The following LYPLAL1 variants were observed in gnomAD, a reference collection of about 807,000 sequenced individuals.
LYPLAL1 encodes the protein lysophospholipase like 1, also known as lysophospholipase-like protein 1.
LYPLAL1 carries 23 observed loss-of-function variants against 19.7 expected under a neutral mutation model. That is an observed-to-expected ratio of 1.17 (90% CI 0.84 to 1.65). The LOEUF (loss-of-function observed/expected upper bound fraction) is 1.65. Ranked by LOEUF, LYPLAL1 falls within the 40% of genes most tolerant of loss-of-function variation. LYPLAL1 has a pLI of 0.00. For synonymous variants in LYPLAL1, 119 were observed against 96.3 expected (o/e 1.24, Z -1.38); for missense variants, 355 against 279.4 (o/e 1.27, Z -1.93).
At chr1:219,358,890 G>A in the LYPLAL1 span, among the ~76,000 whole-genome samples, 2 of 152,062 alleles carry the variant, frequency 1.3e-5, no homozygotes, top group African/African-American at 4.8e-5. Context: ...CCCCAGTTGA[G>A]ACAGAGGTTA....
the LYPLAL1 span, among the ~76,000 whole-genome samples, chr1:219,224,760 T>G: frequency 6.6e-6 from 1 of 152,184 alleles, no homozygotes. Context: ...AATGCATTGG[T>G]CTCTCCCTCT....
the LYPLAL1 span, among the ~76,000 whole-genome samples, chr1:219,274,348 T>C: frequency 6.6e-6 from 1 of 152,188 alleles, no homozygotes; most frequent in African/African-American, 2.4e-5. Flanking sequence ...CTTCCCTCTA[T>C]CTTTTAACTG....
the LYPLAL1 span, among the ~76,000 whole-genome samples, chr1:219,392,581 G>A: frequency 6.6e-6 from 1 of 152,112 alleles, no homozygotes; most frequent in Non-Finnish European, 1.5e-5. Flanking sequence ...CAGCAATACA[G>A]TTAAGAAACA....
the LYPLAL1 span, among the ~76,000 whole-genome samples, chr1:219,328,592 A>G: frequency 6.6e-6 from 1 of 152,206 alleles, no homozygotes; most frequent in Non-Finnish European, 1.5e-5. Flanking sequence ...GATACTTGAT[A>G]TAGAAATAAA....
chr1:219,368,910 C>T, the LYPLAL1 span, among the ~76,000 whole-genome samples: 2 of 152,346 alleles, frequency 1.3e-5, no homozygotes, highest in East Asian at 3.9e-4. Context: ...CTATCACAAA[C>T]CTGGCACTAC....
chr1:219,423,146 A>G, the LYPLAL1 span, among the ~76,000 whole-genome samples: 126,706 of 152,040 alleles, frequency 0.83, 53,381 homozygotes, highest in African/African-American at 0.94. Flanking sequence ...CTCTCTTCAC[A>G]CCTTACTTCT....
At chr1:219,437,826 G>T in the LYPLAL1 span, among the ~76,000 whole-genome samples, 1 of 151,208 alleles carries the variant, frequency 6.6e-6, no homozygotes, top group African/African-American at 2.4e-5. Flanking sequence ...GAGTGCAGTG[G>T]TGTGATCTCA....
At chr1:219,299,212 G>T in the LYPLAL1 span, among the ~76,000 whole-genome samples, 1 of 143,018 alleles carries the variant, frequency 7.0e-6, no homozygotes, top group African/African-American at 2.6e-5. Flanking sequence ...GCATTACTCA[G>T]TGCACTCTAG....
chr1:219,359,525 C>T, the LYPLAL1 span, among the ~76,000 whole-genome samples: 1 of 152,126 alleles, frequency 6.6e-6, no homozygotes, highest in Admixed American at 6.6e-5. Flanking sequence ...ACAAAGCTTT[C>T]CTTTCTTCTT....
the LYPLAL1 span, among the ~76,000 whole-genome samples, chr1:219,284,004 G>C: frequency 6.6e-6 from 1 of 152,154 alleles, no homozygotes; most frequent in Non-Finnish European, 1.5e-5. Context: ...TGGAGGGAGG[G>C]AAGTGATTGA....
At position 219,211,527 on chromosome 1, in the gene LYPLAL1, A is replaced by T; in HGVS notation, c.513A>T (p.Leu171Phe). ...AGAGTAATGGTGTACTTCCTGAATT[A>T]TTTCAGTGTCATGGTACTGCAGATG... The part of the protein sequence containing the change: ...LQKSNGVLPE[L>F]FQCHGTADEL... Residue 171 changes from leucine to phenylalanine, a missense_variant, in exon 5 of 5, where the codon TTA becomes TTT. Coordinates refer to ENST00000366928, the MANE Select transcript of LYPLAL1 (RefSeq NM_138794.5). The T allele has an allele frequency of 6.2e-7, 1 of 1,612,466 alleles. No homozygotes were observed. Among genetic ancestry groups the T allele is most frequent in the Non-Finnish European group, 8.5e-7 (1 of 1,178,930 alleles).
At chr1:219,384,773 CA>C in the LYPLAL1 span, among the ~76,000 whole-genome samples, 4 of 152,100 alleles carry the variant, frequency 2.6e-5, no homozygotes, top group Admixed American at 6.5e-5. Flanking sequence ...ATGACATATA[CA>C]GAAGCAGCAT....
the LYPLAL1 span, among the ~76,000 whole-genome samples, chr1:219,321,706 A>G: frequency 6.6e-6 from 1 of 152,178 alleles, no homozygotes; most frequent in East Asian, 1.9e-4. Flanking sequence ...GTGATAGCAT[A>G]AACCAGATTT....
the LYPLAL1 span, among the ~76,000 whole-genome samples, chr1:219,293,285 G>C: frequency 6.6e-6 from 1 of 152,068 alleles, no homozygotes; most frequent in Non-Finnish European, 1.5e-5. Context: ...AAAAGGGTGA[G>C]AGAGATAGTA....
the LYPLAL1 span, among the ~76,000 whole-genome samples, chr1:219,239,934 A>G: frequency 6.5e-4 from 99 of 152,310 alleles, no homozygotes; most frequent in Non-Finnish European, 4.4e-4. Flanking sequence ...GTGAGATGCA[A>G]TGTTTTTACC....
At chr1:219,249,182 T>G in the LYPLAL1 span, among the ~76,000 whole-genome samples, 1 of 151,968 alleles carries the variant, frequency 6.6e-6, no homozygotes, top group Non-Finnish European at 1.5e-5. Context: ...ATTTCATTCC[T>G]TTTCCCTCCA....
At chr1:219,280,402 A>G in the LYPLAL1 span, among the ~76,000 whole-genome samples, 2 of 152,164 alleles carry the variant, frequency 1.3e-5, no homozygotes, top group African/African-American at 2.4e-5. Context: ...AGACAACTGG[A>G]TATCTGCTTT....
At chr1:219,215,292 C>A (rs556936440), downstream of LYPLAL1, among the ~76,000 whole-genome samples, 1 of 152,222 alleles carries the variant, frequency 6.6e-6, no homozygotes, top group African/African-American at 2.4e-5. Context: ...GTTTTCCTAT[C>A]TTCTTACTTG....
chr1:219,181,308 C>T lies in LYPLAL1; in HGVS notation c.191+2062C>T, dbSNP rs758049619. Reference sequence around the variant, plus strand: ...CCTCAAGTTGCCCTGGCTACATTTACGTGCTTCATAACCTTATGTGGTTAG... The same window carrying T: ...CCTCAAGTTGCCCTGGCTACATTTATGTGCTTCATAACCTTATGTGGTTAG... On this transcript the variant is annotated intron_variant, in intron 2 of 4. Coordinates refer to ENST00000366928, the MANE Select transcript of LYPLAL1 (RefSeq NM_138794.5). Among the ~76,000 whole-genome samples, 9 of 152,048 alleles carry T rather than the reference C, an allele frequency of 5.9e-5. 1 individual carries two copies. The highest frequency in any genetic ancestry group is 1.9e-4 in the East Asian group (1 of 5,188).
Sources: allele counts gnomAD v4.1 joint callset (sites outside exome capture counted in the v4.1 genomes callset), GRCh38; gene constraint gnomAD v4.1.1; transcripts MANE v1.5; gene names NCBI Gene and HGNC (gene_info 2026-07-23, HGNC 2026-07-21).